The following DNM3 variants were observed in gnomAD, a reference collection of about 807,000 sequenced individuals.
DNM3 encodes dynamin 3.
In DNM3, 47 loss-of-function variants were observed where a neutral mutation model predicts 101.6. That is an observed-to-expected ratio of 0.46 (90% CI 0.37 to 0.59). The LOEUF is 0.59. DNM3 is among the 20% of genes least tolerant of loss of function. The pLI is 0.00. For synonymous variants in DNM3, 385 were observed against 387.9 expected, an observed-to-expected ratio of 0.99 and a Z score of 0.09; for missense variants, 849 against 1,085.7, an observed-to-expected ratio of 0.78 and a Z score of 3.06.
chr1:172,012,261 A>T (rs531192654), intron 4 of DNM3, among the ~76,000 whole-genome samples: 2 of 152,048 alleles, frequency 1.3e-5, no homozygotes, highest in African/African-American at 2.4e-5. Context: ...GGGAGTTATT[A>T]TAGTTAGATT....
intron 14 of DNM3, among the ~76,000 whole-genome samples, chr1:172,164,812 G>T (rs1031210133): frequency 1.2e-4 from 19 of 152,106 alleles, no homozygotes; most frequent in Non-Finnish European, 2.2e-4. Context: ...GTATGAGGAA[G>T]GTAGTGGGAG....
At chr1:171,918,371 T>C (rs1017862239) in intron 1 of DNM3, among the ~76,000 whole-genome samples, 11 of 152,316 alleles carry the variant, frequency 7.2e-5, no homozygotes, top group South Asian at 2.1e-4. Context: ...GTAGAGCTAA[T>C]ATTCAAAGGA....
chr1:171,991,663 A>G (rs1268680662), intron 4 of DNM3, among the ~76,000 whole-genome samples: 1 of 152,182 alleles, frequency 6.6e-6, no homozygotes, highest in African/African-American at 2.4e-5. Context: ...GCTATTGGTG[A>G]TCAACTTAAA....
intron 14 of DNM3, among the ~76,000 whole-genome samples, chr1:172,183,604 A>AT (rs757050660): frequency 1.4e-4 from 21 of 151,470 alleles, no homozygotes; most frequent in Non-Finnish European, 2.5e-4. Flanking sequence ...ACTTTTTTAA[A>AT]TTTTTTTATT....
At chr1:172,231,646 G>A (rs553677149) in intron 14 of DNM3, among the ~76,000 whole-genome samples, 7 of 152,258 alleles carry the variant, frequency 4.6e-5, no homozygotes, top group African/African-American at 1.2e-4. Flanking sequence ...AAACTTCTGC[G>A]AGCTAAAGGA....
intron 2 of DNM3, among the ~76,000 whole-genome samples, chr1:171,947,342 C>T (rs1279329030): frequency 6.6e-6 from 1 of 152,014 alleles, no homozygotes; most frequent in African/African-American, 2.4e-5. Context: ...GTGTTGTCTG[C>T]CGTGCTGTTC....
At chr1:172,328,530 AACCAAAT>A (rs1430859746) in intron 17 of DNM3, among the ~76,000 whole-genome samples, 4 of 152,188 alleles carry the variant, frequency 2.6e-5, no homozygotes, top group African/African-American at 7.2e-5. Context: ...AGTAACAGAA[AACCAAAT>A]ACCAAATACC....
chr1:172,164,725 TC>T (rs542139194), intron 14 of DNM3, among the ~76,000 whole-genome samples: 171 of 152,164 alleles, frequency 1.1e-3, no homozygotes, highest in African/African-American at 4.1e-3. Context: ...GCTGATCTTT[TC>T]CTGTTAATCC....
intron 2 of DNM3, among the ~76,000 whole-genome samples, chr1:171,947,512 C>T (rs2042245046): frequency 6.6e-6 from 1 of 152,050 alleles, no homozygotes; most frequent in South Asian, 2.1e-4. Context: ...ATCAGTATTT[C>T]TCAGCAAATA....
chr1:171,955,463 A>G (rs2042792931), intron 2 of DNM3, among the ~76,000 whole-genome samples: 1 of 152,190 alleles, frequency 6.6e-6, no homozygotes, highest in Non-Finnish European at 1.5e-5. Context: ...AGAGAGGAAT[A>G]TGAGATAGTT....
At chr1:172,136,164 G>C (rs1402733005) in intron 14 of DNM3, among the ~76,000 whole-genome samples, 1 of 152,068 alleles carries the variant, frequency 6.6e-6, no homozygotes, top group Non-Finnish European at 1.5e-5. Context: ...TCATTTTTGT[G>C]GGTTGAAGTG....
chr1:172,275,775 A>G (rs754876903), intron 15 of DNM3, among the ~76,000 whole-genome samples: 4 of 152,126 alleles, frequency 2.6e-5, no homozygotes, highest in African/African-American at 4.8e-5. Flanking sequence ...GTTCCGTAAC[A>G]TCATCTATTA....
At chr1:172,394,711 A>G (rs1281759000) in intron 20 of DNM3, among the ~76,000 whole-genome samples, 2 of 152,252 alleles carry the variant, frequency 1.3e-5, no homozygotes, top group African/African-American at 4.8e-5. Flanking sequence ...TGATAGAGGA[A>G]AACAGCCAAG....
chr1:172,202,208 A>G (rs1337752611), intron 14 of DNM3, among the ~76,000 whole-genome samples: 1 of 152,122 alleles, frequency 6.6e-6, no homozygotes, highest in Non-Finnish European at 1.5e-5. Flanking sequence ...TTGATTTTAG[A>G]GTAATACTAG....
In DNM3 at chr1:172,033,213, G is replaced by A; in HGVS notation, c.797G>A (p.Arg266Lys). 6.2e-7 allele frequency: 1 copy of A among 1,608,116 alleles called. No individual in the cohort carries two copies. Among genetic ancestry groups the A allele is most frequent in the South Asian group, 1.1e-5 (1 of 89,704 alleles). ...TTTTTCCTTTCCCACCCGGCTTACAGACATATCGCTGACCGAATGGGAACC... is the reference window on the plus strand; with the variant it reads ...TTTTTCCTTTCCCACCCGGCTTACAAACATATCGCTGACCGAATGGGAACC... ...RKFFLSHPAY[R>K]HIADRMGTPH... Residue 266 changes from arginine (R) to lysine (K), a missense_variant, in exon 6 of 21, where the codon AGA becomes AAA. Arg to Lys is a conservative substitution (Grantham distance 26). Transcript: ENST00000627582.
Position 172,203,222 on chromosome 1 carries a change from C to T in DNM3, c.1660-50351C>T, listed in dbSNP as rs1279886886. ...CTGCTATTGTTTAATTGAGGTACCT[C>T]GTGTTCCCCAAAGGCTGAGCCACAA... On this transcript the variant is annotated intron_variant, in intron 14 of 20. Transcript: ENST00000627582. 2.6e-5 allele frequency among the ~76,000 whole-genome samples: 4 copies of T among 152,264 alleles called. No homozygotes were observed. In the South Asian group the frequency reaches 6.2e-4, roughly 24 times the overall value.
intron 1 of DNM3, among the ~76,000 whole-genome samples, chr1:171,849,928 G>T: frequency 6.6e-6 from 1 of 152,138 alleles, no homozygotes; most frequent in Admixed American, 6.6e-5. Flanking sequence ...GAATTTTTCT[G>T]ACATTATTTT....
intron 4 of DNM3, among the ~76,000 whole-genome samples, chr1:172,026,349 A>G (rs1441116922): frequency 6.6e-6 from 1 of 152,172 alleles, no homozygotes; most frequent in Non-Finnish European, 1.5e-5. Context: ...CCTGAAAGTG[A>G]TGGGAAGAAT....
chr1:171,968,169 G>A (rs1241794340), intron 2 of DNM3, among the ~76,000 whole-genome samples: 4 of 152,264 alleles, frequency 2.6e-5, no homozygotes, highest in African/African-American at 9.6e-5. Flanking sequence ...AAAATGCTCT[G>A]TTGTGAGTTC....
Sources: allele counts gnomAD v4.1 joint callset (sites outside exome capture counted in the v4.1 genomes callset), GRCh38; gene constraint gnomAD v4.1.1; transcripts MANE v1.5; gene names NCBI Gene and HGNC (gene_info 2026-07-23, HGNC 2026-07-21).